PCID2: variants seen among roughly 807,000 people sequenced by gnomAD.
PCID2 encodes PCI domain containing 2.
In PCID2, 41 loss-of-function variants were observed where a neutral mutation model predicts 61.3. The ratio of observed to expected loss-of-function variants is 0.67; its 90% CI spans 0.52 to 0.87. The LOEUF is 0.87. PCID2 is among the 40% of genes least tolerant of loss of function. The pLI, the probability that PCID2 is intolerant of heterozygous loss-of-function variation, is 0.00. For missense variants in PCID2, 392 were observed against 493.4 expected (o/e 0.79, Z 1.95); for synonymous variants, 187 against 177.8 (o/e 1.05, Z -0.41).
At chr13:113,201,279 TG>T (rs887136410) in intron 1 of PCID2, among the ~76,000 whole-genome samples, 1 of 151,124 alleles carries the variant, frequency 6.6e-6, no homozygotes, top group Non-Finnish European at 1.5e-5. Context: ...GATGATTAAA[TG>T]AAAAAAAAAG....
At chr13:113,178,337 T>C (rs2037297613) in intron 13 of PCID2, 50 bp from the exon 14 acceptor site, 2 of 1,341,302 alleles carry the variant, frequency 1.5e-6, no homozygotes, top group Non-Finnish European at 2.1e-6. Context: ...ATCTGAGTCA[T>C]GTCAAAGATG....
In PCID2 at chr13:113,179,444, T is replaced by C. The variant is rs2037416090; in HGVS notation, c.987-355A>G. Reference sequence around the variant, plus strand: ...GTTTGTGACGTGCTACCCACAGCTCTATACAAAGTTGGCCTTTGCCTGAAG... The same window carrying C: ...GTTTGTGACGTGCTACCCACAGCTCCATACAAAGTTGGCCTTTGCCTGAAG... On this transcript the variant is annotated intron_variant, in intron 12 of 13. Coordinates refer to ENST00000337344, the MANE Select transcript of PCID2 (RefSeq NM_001127202.4). The surrounding 1 kb of genome is among the most constrained non-coding windows in gnomAD (Gnocchi z 4.3). Among the ~76,000 whole-genome samples, 1 of 152,182 alleles carries C rather than the reference T, an allele frequency of 6.6e-6. No homozygotes were observed. Among genetic ancestry groups the C allele is most frequent in the South Asian group, 2.1e-4 (1 of 4,832 alleles).
At chr13:113,193,031 T>TG in intron 6 of PCID2, among the ~76,000 whole-genome samples, 1 of 152,090 alleles carries the variant, frequency 6.6e-6, no homozygotes, top group East Asian at 1.9e-4. Context: ...CTGCCTGACT[T>TG]GATCTGGACC....
chr13:113,178,272 A>G lies in PCID2; in HGVS notation c.1126T>C (p.Tyr376His). The G allele has an allele frequency of 6.2e-7, 1 of 1,613,556 alleles. No individual in the cohort carries two copies. Among genetic ancestry groups the G allele is most frequent in the Non-Finnish European group, 8.5e-7 (1 of 1,179,600 alleles). Reference protein sequence around the residue: ...NLIYMGHVKGYISHQHQKLVV... With the variant: ...NLIYMGHVKGHISHQHQKLVV... The stretch of plus-strand genomic sequence containing the variant: ...AGCTTCTGATGCTGATGCGATATGT[A>G]GCCTTTGACGTGTCCCTGCGGGGCA... The change falls in exon 14 of 14, where the codon TAC becomes CAC. Residue 376 changes from tyrosine to histidine, a missense_variant. Physicochemically the swap from Tyr to His is moderately conservative, Grantham distance 83. Transcript: ENST00000337344.
chr13:113,165,980 T>C, the PCID2 span: 2 of 152,332 alleles, frequency 1.3e-5, no homozygotes, highest in African/African-American at 4.8e-5. Context: ...TTTTATTCTT[T>C]TCTTGCTTTC....
Position 113,208,668 on chromosome 13 carries a change from A to C in PCID2, c.-34T>G. ...CGCCGAACGGAGAGCGCCACCCCCT[A>C]CGCCTCAAGCGGGCCAGCTGGCGTC... On this transcript the variant is annotated 5_prime_UTR_variant, in exon 1 of 14. Transcript: ENST00000337344. The C allele has an allele frequency of 6.3e-7, 1 of 1,594,882 alleles. No homozygotes were observed.
intron 7 of PCID2, chr13:113,186,637 C>T (rs776990750): frequency 5.9e-5 from 9 of 152,128 alleles, no homozygotes; most frequent in Non-Finnish European, 1.3e-4. Context: ...GAGTCTCACA[C>T]TGTATTTTTA....
intron 7 of PCID2, among the ~76,000 whole-genome samples, chr13:113,190,001 C>T (rs1358054154): frequency 7.0e-5 from 10 of 143,052 alleles, no homozygotes; most frequent in Admixed American, 3.6e-4. Flanking sequence ...CCAGCCTGGG[C>T]GACAGAGCAA....
At chr13:113,208,211 T>C in intron 1 of PCID2, 7 of 1,535,174 alleles carry the variant, frequency 4.6e-6, no homozygotes, top group Non-Finnish European at 2.6e-6. Context: ...CGCATCCTGC[T>C]GGGAAACAGC....
chr13:113,196,302 T>G lies in PCID2; in HGVS notation c.267-80A>C, dbSNP rs545381527. 3.2e-5 allele frequency: 37 copies of G among 1,161,494 alleles called. No individual in the cohort carries two copies. The East Asian group carries it at 7.8e-4, about 25-fold the overall frequency. 71.9% of individuals were successfully genotyped at this position (1,161,494 alleles called of 1,614,324 possible). A position where few individuals can be genotyped will look rare whatever the true frequency, so the allele number is the denominator to read the frequency against. On this transcript the variant is annotated intron_variant, in intron 4 of 13. Coordinates refer to ENST00000337344, the MANE Select transcript of PCID2 (RefSeq NM_001127202.4). ...AAAAGTAAAGAATAAGAATCTAAAT[T>G]TTAAGGAATGTAGATCACCCTTGAG...
chr13:113,208,576 C>G (rs939691795), intron 1 of PCID2, 23 bp downstream of exon 1: 2 of 1,605,918 alleles, frequency 1.2e-6, no homozygotes, highest in African/African-American at 1.3e-5. Flanking sequence ...CACGCCGCCG[C>G]GCGCTCCCCG....
At position 113,178,207 on chromosome 13, in the gene PCID2, C is replaced by T. The variant is rs141817286; in HGVS notation, c.1191G>A (p.Thr397=). Residue 397 remains threonine, a synonymous_variant, in exon 14 of 14, where the codon ACG becomes ACA. Transcript: ENST00000337344. ...GGGGCTCCGTGTACTTTCAACACAC[C>T]GTGGACAGGGGAGGAAATGGGTTCT... ...SKQNPFPPLS[T]VC is the part of the protein sequence containing the mutation. 160 of 1,612,738 alleles carry T rather than the reference C, an allele frequency of 9.9e-5. No individual in the cohort carries two copies. The highest frequency in any genetic ancestry group is 1.5e-4 in the Admixed American group (9 of 59,998).
downstream of PCID2, among the ~76,000 whole-genome samples, chr13:113,177,146 TA>T (rs572133688): frequency 4.3e-3 from 652 of 152,334 alleles, no homozygotes; most frequent in Non-Finnish European, 6.4e-3. Context: ...TTTATTTATT[TA>T]TTTTTTTGAG....
chr13:113,193,689 T>A (rs970162372), intron 6 of PCID2, among the ~76,000 whole-genome samples: 6 of 152,208 alleles, frequency 3.9e-5, no homozygotes, highest in Non-Finnish European at 8.8e-5. Flanking sequence ...ATAACAAAAA[T>A]AAAAGCTTTC....
chr13:113,178,146 A>G lies in PCID2; in HGVS notation c.*52T>C. 1 of 1,415,960 alleles carries G rather than the reference A, an allele frequency of 7.1e-7. No individual in the cohort carries two copies. Among genetic ancestry groups the G allele is most frequent in the Non-Finnish European group, 1.0e-6 (1 of 1,001,920 alleles). The allele number at this position is 1,415,960 out of a possible 1,614,324, so 87.7% of individuals were successfully genotyped here. On this transcript the variant is annotated 3_prime_UTR_variant, in exon 14 of 14. Coordinates refer to ENST00000337344, the MANE Select transcript of PCID2 (RefSeq NM_001127202.4). Reference sequence around the variant, plus strand: ...GTACCGGACCGGTCTCATCAGCACAACCAAAGTGGAAAGAAACAACTGCTC... The same window carrying G: ...GTACCGGACCGGTCTCATCAGCACAGCCAAAGTGGAAAGAAACAACTGCTC...
rs1423123274 is a variant in PCID2 at position 113,197,219 on chromosome 13, A to G, written c.225T>C (p.His75=). 1.9e-6 allele frequency: 3 copies of G among 1,613,548 alleles called. No homozygotes were observed. In the African/African-American group the frequency reaches 4.0e-5, roughly 22 times the overall value. The change falls in exon 4 of 14, where the codon CAT becomes CAC. Residue 75 remains histidine, a synonymous_variant. Transcript: ENST00000337344. ...GGCACTTGTATGCCTCTATGAAGTC[A>G]TGATTCCCCACTGCATAAGTGCACC... ...HLRCTYAVGN[H]DFIEAYKCQT...
chr13:113,165,032 A>G, the PCID2 span: 1 of 1,612,768 alleles, frequency 6.2e-7, no homozygotes. Flanking sequence ...TTTTATTCTC[A>G]TGTTGCTGCC....
rs776255380 is a variant in PCID2 at position 113,197,201 on chromosome 13, G to C, written c.243C>G (p.Tyr81Ter). 1 of 1,614,110 alleles carries C rather than the reference G, an allele frequency of 6.2e-7. No individual in the cohort carries two copies. The highest frequency in any genetic ancestry group is 2.2e-5 in the East Asian group (1 of 44,888). ...AVGNHDFIEA[Y>*]KCQTVIVQSF... ...ATTGGACTATCACGGTCTGGCACTT[G>C]TATGCCTCTATGAAGTCATGATTCC... The change falls in exon 4 of 14, where the codon TAC becomes TAG. Residue 81 changes from tyrosine to a stop codon, truncating the protein, a stop_gained. Transcript: ENST00000337344. LOFTEE classifies it high-confidence loss of function.
downstream of PCID2, among the ~76,000 whole-genome samples, chr13:113,176,234 T>C (rs557335703): frequency 3.5e-4 from 53 of 152,380 alleles, no homozygotes; most frequent in South Asian, 2.9e-3. Flanking sequence ...GCAGTAACTT[T>C]GCAAAGATGA....
Sources: allele counts gnomAD v4.1 joint callset (sites outside exome capture counted in the v4.1 genomes callset), GRCh38; gene constraint gnomAD v4.1.1; non-coding constraint Gnocchi (gnomAD v3.1); transcripts MANE v1.5; gene names NCBI Gene and HGNC (gene_info 2026-07-23, HGNC 2026-07-21).